The following TTLL5 variants were observed in gnomAD, a reference collection of about 807,000 sequenced individuals.
The protein encoded by TTLL5 is tubulin polyglutamylase TTLL5.
Under a neutral mutation model 168.4 loss-of-function variants are expected in TTLL5, and 132 were observed. The observed-to-expected ratio is 0.78, with a 90% CI of 0.68 to 0.91. The LOEUF is 0.91. TTLL5 is among the 40% of genes least tolerant of loss of function. The pLI, the probability that TTLL5 is intolerant of heterozygous loss-of-function variation, is 0.00. For missense variants in TTLL5, 1,545 were observed against 1,581.5 expected, an observed-to-expected ratio of 0.98 and a Z score of 0.39; for synonymous variants, 546 against 558.6, an observed-to-expected ratio of 0.98 and a Z score of 0.32.
intron 5 of TTLL5, among the ~76,000 whole-genome samples, chr14:75,688,909 A>G (rs765111598): frequency 2.0e-5 from 3 of 152,190 alleles, no homozygotes; most frequent in Admixed American, 6.5e-5. Context: ...AAAGTTTAAC[A>G]TATGTGGTGA....
intron 22 of TTLL5, among the ~76,000 whole-genome samples, chr14:75,776,144 A>G (rs1891714024): frequency 6.6e-6 from 1 of 152,196 alleles, no homozygotes; most frequent in African/African-American, 2.4e-5. Context: ...CATTAAAAAT[A>G]TCATTTTGGG....
intron 3 of TTLL5, among the ~76,000 whole-genome samples, chr14:75,672,755 G>C (rs977672994): frequency 1.3e-5 from 2 of 152,016 alleles, no homozygotes; most frequent in East Asian, 3.9e-4. Flanking sequence ...CTAGGTATTT[G>C]TCCATTTTAT....
chr14:75,871,270 A>G (rs1163044328), intron 29 of TTLL5, among the ~76,000 whole-genome samples: 1 of 152,210 alleles, frequency 6.6e-6, no homozygotes, highest in African/African-American at 2.4e-5. Context: ...AGGAAAATGA[A>G]CACGCAGTAA....
chr14:75,758,902 T>A (rs760412400), intron 18 of TTLL5, among the ~76,000 whole-genome samples: 25 of 152,174 alleles, frequency 1.6e-4, no homozygotes, highest in Non-Finnish European at 3.4e-4. Flanking sequence ...GGGGAAATTA[T>A]AAGTTTAAAT....
rs764137337 is a variant in TTLL5, at chr14:75,863,855, G to A, written c.3515G>A (p.Arg1172Gln). Reference protein sequence around the residue: ...SRQLLDQSRARHQAIFGSQTL... With the variant: ...SRQLLDQSRAQHQAIFGSQTL... The stretch of plus-strand genomic sequence containing the variant: ...CAGCTCCTGGACCAGAGTCGAGCCC[G>A]GCACCAGGTAATTCAAGATAAGTCT... The change falls in exon 29 of 32, where the codon CGG (arginine) becomes CAG (glutamine). Residue 1172 changes from arginine to glutamine, a missense_variant. Coordinates refer to ENST00000298832, the MANE Select transcript of TTLL5 (RefSeq NM_015072.5). 72 of 1,483,616 alleles carry A rather than the reference G, an allele frequency of 4.9e-5. No individual in the cohort carries two copies. Among genetic ancestry groups the A allele is most frequent in the Non-Finnish European group, 6.3e-5 (69 of 1,103,972 alleles). The allele number at this position is 1,483,616 out of a possible 1,614,324, so 91.9% of individuals were successfully genotyped here.
rs200849508 is a variant in TTLL5 at position 75,717,951 on chromosome 14, A to G, written c.831A>G (p.Gly277=). 5.3e-5 allele frequency: 85 copies of G among 1,613,324 alleles called. No homozygotes were observed. Among genetic ancestry groups the G allele is most frequent in the Non-Finnish European group, 6.3e-5 (74 of 1,179,830 alleles). The change falls in exon 10 of 32, where the codon GGA becomes GGG. Residue 277 remains glycine (G), a synonymous_variant. Coordinates refer to ENST00000298832, the MANE Select transcript of TTLL5 (RefSeq NM_015072.5). ...LTNYSVNKKS[G]DYVSCDDPEV... ...ACTACAGTGTCAACAAGAAAAGTGG[A>G]GATTACGTCAGGTACTGGCTGTGTC...
At chr14:75,934,797 G>T (rs2034385887) in intron 31 of TTLL5, among the ~76,000 whole-genome samples, 1 of 152,184 alleles carries the variant, frequency 6.6e-6, no homozygotes, top group South Asian at 2.1e-4. Flanking sequence ...AAAAAGCTGA[G>T]AAAATGCTCT....
chr14:75,910,557 C>T (rs955821571), intron 31 of TTLL5, among the ~76,000 whole-genome samples: 4 of 152,230 alleles, frequency 2.6e-5, no homozygotes, highest in Non-Finnish European at 5.9e-5. Context: ...TTATTGTCCT[C>T]ATATCCTCAG....
chr14:75,661,704 T>C (rs188984538), intron 1 of TTLL5: 4 of 152,358 alleles, frequency 2.6e-5, no homozygotes, highest in African/African-American at 7.2e-5. Flanking sequence ...CTAGGAGAGG[T>C]TGGCATCCCT....
At chr14:75,910,077 C>A (rs1300423442) in intron 31 of TTLL5, among the ~76,000 whole-genome samples, 1 of 152,174 alleles carries the variant, frequency 6.6e-6, no homozygotes, top group Non-Finnish European at 1.5e-5. Flanking sequence ...CAGAGAACTC[C>A]ATTTCTAAAA....
chr14:75,776,612 G>A (rs1891737802), intron 22 of TTLL5, 135 bp from the exon 23 acceptor site: 1 of 527,738 alleles, frequency 1.9e-6, no homozygotes, highest in East Asian at 3.2e-5. Flanking sequence ...GGTGGCAAAA[G>A]TACATACAAG....
intron 3 of TTLL5, among the ~76,000 whole-genome samples, chr14:75,681,215 A>G (rs1033432551): frequency 1.3e-5 from 2 of 152,338 alleles, no homozygotes; most frequent in Admixed American, 1.3e-4. Flanking sequence ...GTAAAATAAT[A>G]TTAAAAATAT....
At chr14:75,829,138 C>T (rs2048183282) in intron 28 of TTLL5, among the ~76,000 whole-genome samples, 1 of 152,270 alleles carries the variant, frequency 6.6e-6, no homozygotes, top group Non-Finnish European at 1.5e-5. Flanking sequence ...ATCACTCTGG[C>T]TGGAGAAGCT....
At chr14:75,837,650 T>A (rs764104317) in intron 28 of TTLL5, among the ~76,000 whole-genome samples, 1 of 152,190 alleles carries the variant, frequency 6.6e-6, no homozygotes, top group Non-Finnish European at 1.5e-5. Context: ...TCTATCTATA[T>A]GATTTTGACT....
At chr14:75,871,639 A>G (rs1447379974) in intron 29 of TTLL5, among the ~76,000 whole-genome samples, 1 of 150,962 alleles carries the variant, frequency 6.6e-6, no homozygotes, top group Non-Finnish European at 1.5e-5. Flanking sequence ...CTGTCTGGTG[A>G]CCAGTTTTAT....
At chr14:75,792,433 T>C (rs1892782118) in intron 26 of TTLL5, among the ~76,000 whole-genome samples, 1 of 151,780 alleles carries the variant, frequency 6.6e-6, no homozygotes, top group Non-Finnish European at 1.5e-5. Context: ...AAATATAAGA[T>C]TATTGTTATT....
intron 28 of TTLL5, chr14:75,838,648 A>G: frequency 6.6e-6 from 1 of 152,406 alleles, no homozygotes; most frequent in Non-Finnish European, 1.5e-5. Context: ...CCCCTGGCTA[A>G]GGTGTAGCAG....
intron 29 of TTLL5, among the ~76,000 whole-genome samples, chr14:75,882,138 C>A (rs907944002): frequency 3.3e-5 from 5 of 152,174 alleles, no homozygotes; most frequent in African/African-American, 1.2e-4. Context: ...AAGATTATAA[C>A]CAGGCCTGGC....
At position 75,835,813 on chromosome 14, in the gene TTLL5, A is replaced by G. The variant is rs529895582; in HGVS notation, c.3326+15652A>G. On this transcript the variant is annotated intron_variant, in intron 28 of 31. Transcript: ENST00000298832. ...TGAAAAATACTCAGCATCATTGATC[A>G]TCAGAGAAATGCAAATCAAAACTTC... 5.9e-5 allele frequency among the ~76,000 whole-genome samples: 9 copies of G among 152,362 alleles called. 1 individual carries two copies. In the South Asian group the frequency reaches 1.7e-3, roughly 28 times the overall value.
Sources: gnomAD v4.1 joint callset for allele counts (sites outside exome capture counted in the v4.1 genomes callset) on GRCh38, gnomAD v4.1.1 for gene constraint, MANE v1.5 for transcripts, NCBI Gene and HGNC (gene_info 2026-07-23, HGNC 2026-07-21) for gene names.